Variants in RHOBTB2 observed in about 807,000 individuals in gnomAD.
RHOBTB2 encodes the protein rho-related BTB domain-containing protein 2.
In RHOBTB2, 39 loss-of-function variants were observed where a neutral mutation model predicts 66.5. The observed-to-expected ratio is 0.59, with a 90% CI of 0.45 to 0.77. The LOEUF (loss-of-function observed/expected upper bound fraction) is 0.77, where lower values mean the gene tolerates loss of function less well. RHOBTB2 is among the 30% of genes least tolerant of loss of function. The pLI is 0.00. For missense variants in RHOBTB2, 755 were observed against 999.1 expected (o/e 0.76, Z 3.29); for synonymous variants, 390 against 395.0 (o/e 0.99, Z 0.15).
intron 8 of RHOBTB2, 95 bp downstream of exon 8, chr8:23,014,873 C>G: frequency 5.2e-6 from 5 of 970,632 alleles, no homozygotes; most frequent in Non-Finnish European, 8.1e-6. Context: ...ATGGTCTATG[C>G]GGGAGAACCT....
Position 22,999,912 on chromosome 8 carries a change from C to G in RHOBTB2, c.-204C>G. The stretch of plus-strand genomic sequence containing the variant: ...GTCCGCTCCTGGGCCCACGTCCGGC[C>G]TGGGCTGCCCTGCCGGAGTTTCTGA... On this transcript the variant is annotated 5_prime_UTR_variant, in exon 1 of 10. Coordinates refer to ENST00000251822, the MANE Select transcript of RHOBTB2 (RefSeq NM_015178.3). The G allele has an allele frequency of 5.1e-6, 5 of 985,310 alleles. No individual in the cohort carries two copies. Among genetic ancestry groups the G allele is most frequent in the Non-Finnish European group, 4.8e-6 (4 of 829,896 alleles). 61.0% of individuals were successfully genotyped at this position (985,310 alleles called of 1,614,324 possible).
rs1462888440 is a variant in RHOBTB2, at chr8:23,017,617, G to C, written c.*148G>C. On this transcript the variant is annotated 3_prime_UTR_variant, in exon 10 of 10. Coordinates refer to ENST00000251822, the MANE Select transcript of RHOBTB2 (RefSeq NM_015178.3). The surrounding 1 kb of genome is among the most constrained non-coding windows in gnomAD (Gnocchi z 5.3). The stretch of plus-strand genomic sequence containing the variant: ...GGTGGAGCTCTTCTTACCAGCCACC[G>C]TGGCTCAGCCAGAGAGGAGCTGAGC... 7.6e-7 allele frequency: 1 copy of C among 1,308,056 alleles called. No homozygotes were observed. The highest frequency in any genetic ancestry group is 2.5e-5 in the East Asian group (1 of 39,476). The allele number at this position is 1,308,056 out of a possible 1,614,324, so 81.0% of individuals were successfully genotyped here. A position where few individuals can be genotyped will look rare whatever the true frequency, so the allele number is the denominator to read the frequency against.
At position 23,010,627 on chromosome 8, in the gene RHOBTB2, T is replaced by C. The variant is rs756562997; in HGVS notation, c.1710T>C (p.Asp570=). 4.3e-6 allele frequency: 7 copies of C among 1,614,018 alleles called. No homozygotes were observed. ...TGMFTSSPDL[D]DMKLIILANR... The stretch of plus-strand genomic sequence containing the variant: ...TGTTCACCTCCAGCCCCGACCTGGA[T>C]GACATGAAGCTCATCATTCTAGCCA... The change falls in exon 7 of 10, where the codon GAT becomes GAC. Residue 570 remains aspartate (D), a synonymous_variant. Transcript: ENST00000251822.
At position 23,004,208 on chromosome 8, in the gene RHOBTB2, C is replaced by T. The variant is rs994810343; in HGVS notation, c.-10-217C>T. 20 of 578,162 alleles carry T rather than the reference C, an allele frequency of 3.5e-5. 1 individual carries two copies. Among genetic ancestry groups the T allele is most frequent in the Non-Finnish European group, 5.3e-5 (17 of 322,228 alleles). 35.8% of individuals were successfully genotyped at this position (578,162 alleles called of 1,614,324 possible). On this transcript the variant is annotated intron_variant, in intron 1 of 9. Coordinates refer to ENST00000251822, the MANE Select transcript of RHOBTB2 (RefSeq NM_015178.3). The surrounding 1 kb of genome is among the most constrained non-coding windows in gnomAD (Gnocchi z 6.4). ...GGGAGCAGGAAGGGGACAGGTGGCC[C>T]ATCTGGTGACACTGCTCCTCTCAGC...
intron 9 of RHOBTB2, 132 bp downstream of exon 9, chr8:23,015,875 G>C: frequency 1.5e-6 from 1 of 681,024 alleles, no homozygotes; most frequent in South Asian, 1.9e-5. Flanking sequence ...CTGCAAAGGA[G>C]CCTCCAGCCA....
chr8:23,003,362 G>T (rs978536174), intron 1 of RHOBTB2, among the ~76,000 whole-genome samples: 5 of 152,220 alleles, frequency 3.3e-5, no homozygotes, highest in Admixed American at 6.5e-5. Flanking sequence ...CTTCCTCTCT[G>T]CTCAACATCG....
In RHOBTB2 at chr8:23,007,207, G is replaced by A; in HGVS notation, c.962G>A (p.Gly321Asp). 6.2e-7 allele frequency: 1 copy of A among 1,606,114 alleles called. No individual in the cohort carries two copies. The highest frequency in any genetic ancestry group is 8.5e-7 in the Non-Finnish European group (1 of 1,178,960). Residue 321 changes from glycine (G) to aspartate (D), a missense_variant, in exon 5 of 10, where the codon GGC becomes GAC. Gly to Asp is a moderately conservative substitution (Grantham distance 94). This residue lies in a region of RHOBTB2 where 247 missense variants were observed against 238.9 expected (regional missense o/e 1.03). Transcript: ENST00000251822. ...PGGTHPEDHQGHSDQHHHHHH... is the reference protein window; with the variant it reads ...PGGTHPEDHQDHSDQHHHHHH... ...GGCACCCACCCAGAGGACCACCAGG[G>A]CCACTCTGATCAACACCACCACCAT... is the stretch of plus-strand genomic sequence containing the variant.
the RHOBTB2 span, among the ~76,000 whole-genome samples, chr8:22,952,572 G>T: frequency 6.6e-6 from 1 of 152,148 alleles, no homozygotes; most frequent in Non-Finnish European, 1.5e-5. Context: ...CAGAGTGACA[G>T]AGGAAGGCAA....
At chr8:23,009,373 T>C (rs1811068570) in intron 6 of RHOBTB2, among the ~76,000 whole-genome samples, 1 of 152,184 alleles carries the variant, frequency 6.6e-6, no homozygotes, top group East Asian at 1.9e-4. Context: ...AGGTTTGGTC[T>C]CTTTTCCATT....
the RHOBTB2 span, among the ~76,000 whole-genome samples, chr8:22,956,035 C>T: frequency 6.6e-6 from 1 of 152,156 alleles, no homozygotes. Flanking sequence ...TTTGGTTTGC[C>T]CCTCAACCCA....
intron 8 of RHOBTB2, 36 bp downstream of exon 8, chr8:23,014,814 A>T (rs1418887737): frequency 1.3e-6 from 2 of 1,531,762 alleles, no homozygotes; most frequent in Non-Finnish European, 1.8e-6. Flanking sequence ...CAACAGTCTC[A>T]GTTCTACACT....
chr8:22,995,721 T>C (rs1227021277), upstream of RHOBTB2: 2 of 826,298 alleles, frequency 2.4e-6, no homozygotes, highest in East Asian at 2.7e-5. Context: ...CTGCTTTTGC[T>C]CATGGCTGGT....
chr8:23,008,465 C>T (rs1004326853), intron 6 of RHOBTB2, among the ~76,000 whole-genome samples: 1 of 152,314 alleles, frequency 6.6e-6, no homozygotes, highest in South Asian at 2.1e-4. Flanking sequence ...GACTTGAACT[C>T]AGGACTTCCA....
the RHOBTB2 span, among the ~76,000 whole-genome samples, chr8:22,966,475 T>G: frequency 2.7e-5 from 4 of 150,734 alleles, no homozygotes; most frequent in African/African-American, 4.9e-5. Context: ...AAATGGCCAA[T>G]AAGTATGTGA....
chr8:23,010,111 A>G (rs1811094998), intron 6 of RHOBTB2, among the ~76,000 whole-genome samples: 1 of 152,168 alleles, frequency 6.6e-6, no homozygotes, highest in African/African-American at 2.4e-5. Context: ...CGCGAGCAAG[A>G]GCGGCTTCCA....
rs116537876 is a variant in RHOBTB2, at chr8:22,993,305, G to A, written c.-24+1125G>A. On this transcript the variant is annotated intron_variant, in intron 2 of 11. Transcript: ENST00000519685. ...CTCCAGAGTAGCTGGGACTACAGGC[G>A]TGCACCACTGCATCCGGTTCTACAT... 5.2e-3 allele frequency among the ~76,000 whole-genome samples: 797 copies of A among 152,202 alleles called. 3 individuals carry two copies. The highest frequency in any genetic ancestry group is 0.017 in the African/African-American group (706 of 41,532).
At chr8:23,010,401 ACACATGCAG>A (rs752037122) in intron 6 of RHOBTB2, 128 bp from the exon 7 acceptor site, 48 of 944,952 alleles carry the variant, frequency 5.1e-5, no homozygotes, top group Non-Finnish European at 7.0e-5. Context: ...CTCAGCAGAT[ACACATGCAG>A]CACAGGGAAG....
Position 22,999,832 on chromosome 8 carries a change from G to A in RHOBTB2, c.-284G>A. 1.0e-6 allele frequency: 1 copy of A among 984,374 alleles called. No individual in the cohort carries two copies. 61.0% of individuals were successfully genotyped at this position (984,374 alleles called of 1,614,324 possible). A position where few individuals can be genotyped will look rare whatever the true frequency, so the allele number is the denominator to read the frequency against. ...CGCGCCGCCGTGACATTGGGCGCCT[G>A]GCGCGCGGGGCGATGCTGATCCGGA... On this transcript the variant is annotated 5_prime_UTR_variant, in exon 1 of 10. Coordinates refer to ENST00000251822, the MANE Select transcript of RHOBTB2 (RefSeq NM_015178.3).
intron 1 of RHOBTB2, among the ~76,000 whole-genome samples, chr8:22,989,873 G>T (rs894261610): frequency 6.6e-6 from 1 of 152,216 alleles, no homozygotes; most frequent in African/African-American, 2.4e-5. Flanking sequence ...GACGCCTGAT[G>T]AGAACCCTCA....
Sources: allele counts gnomAD v4.1 joint callset (sites outside exome capture counted in the v4.1 genomes callset), GRCh38; gene constraint gnomAD v4.1.1; regional missense constraint gnomAD v4.1.1; non-coding constraint Gnocchi (gnomAD v3.1); transcripts MANE v1.5; gene names NCBI Gene and HGNC (gene_info 2026-07-23, HGNC 2026-07-21).